MIPOL1: variants seen among roughly 807,000 people sequenced by gnomAD.
The protein encoded by MIPOL1 is mirror-image polydactyly gene 1 protein.
MIPOL1 carries 57 observed loss-of-function variants against 60.9 expected under a neutral mutation model. That is an observed-to-expected ratio of 0.94 (90% CI 0.76 to 1.17). MIPOL1 has a LOEUF of 1.17. MIPOL1 is among the 50% of genes most tolerant of loss of function. The probability of loss-of-function intolerance (pLI) is 0.00; values close to 1 mark genes in which losing one functional copy is unlikely to be tolerated. For missense variants in MIPOL1, 551 were observed against 511.6 expected (o/e 1.08, Z -0.74); for synonymous variants, 179 against 168.8 (o/e 1.06, Z -0.47).
chr14:37,504,766 TGAA>T (rs1331484741), intron 12 of MIPOL1: 1 of 152,026 alleles, frequency 6.6e-6, no homozygotes, highest in African/African-American at 2.4e-5. Context: ...AGAGCAGAAC[TGAA>T]GAAGATGGAG....
intron 10 of MIPOL1, among the ~76,000 whole-genome samples, chr14:37,394,172 C>T (rs1265277881): frequency 6.8e-6 from 1 of 146,966 alleles, no homozygotes; most frequent in Non-Finnish European, 1.5e-5. Flanking sequence ...ACAATTTTTG[C>T]AAAAATTGAA....
rs137970154 is a variant in MIPOL1 at position 37,250,706 on chromosome 14, A to G, written c.19+2799A>G. ...AAATCACAAATTGCTTCAAAGCGCT[A>G]TCTTACATAAATGTTCCTAGTCGGT... On this transcript the variant is annotated intron_variant, in intron 3 of 12. Coordinates refer to ENST00000684589, the MANE Select transcript of MIPOL1 (RefSeq NM_001388067.1). 9.9e-3 allele frequency among the ~76,000 whole-genome samples: 1,507 copies of G among 152,284 alleles called. 11 individuals are homozygous for G. Among genetic ancestry groups the G allele is most frequent in the Middle Eastern group, 0.037 (11 of 294 alleles).
At chr14:37,484,680 G>GT (rs1308439682) in intron 11 of MIPOL1, among the ~76,000 whole-genome samples, 7 of 151,960 alleles carry the variant, frequency 4.6e-5, no homozygotes, top group Non-Finnish European at 1.5e-5. Flanking sequence ...AGTTGTGATA[G>GT]TTTTTTTCAG....
At chr14:37,397,993 T>G (rs1353852761) in intron 10 of MIPOL1, among the ~76,000 whole-genome samples, 1 of 152,166 alleles carries the variant, frequency 6.6e-6, no homozygotes, top group Non-Finnish European at 1.5e-5. Flanking sequence ...CCAGGAGGCT[T>G]CTTGCCCCAT....
Position 37,197,942 on chromosome 14 carries a change from C to G in MIPOL1, c.-361C>G. On this transcript the variant is annotated 5_prime_UTR_variant, in exon 1 of 13. Coordinates refer to ENST00000684589, the MANE Select transcript of MIPOL1 (RefSeq NM_001388067.1). ...GCGGCGCGCCGCCGCCCCGTAGGCC[C>G]CACGCGCCGCCCCGCTCCTCCGCCG... 6.6e-6 allele frequency: 1 copy of G among 152,218 alleles called. No individual in the cohort carries two copies. Among genetic ancestry groups the G allele is most frequent in the East Asian group, 1.9e-4 (1 of 5,154 alleles). The allele number at this position is 152,218 out of a possible 1,614,324, so 9.4% of individuals were successfully genotyped here. A position where few individuals can be genotyped will look rare whatever the true frequency, so the allele number is the denominator to read the frequency against.
chr14:37,329,487 CTTTTAG>C (rs1444990156), intron 9 of MIPOL1, among the ~76,000 whole-genome samples: 2 of 152,076 alleles, frequency 1.3e-5, no homozygotes, highest in Non-Finnish European at 1.5e-5. Flanking sequence ...GTCATACGAA[CTTTTAG>C]TTTTAGCCTT....
chr14:37,200,559 T>A (rs1965070589), intron 1 of MIPOL1, among the ~76,000 whole-genome samples: 1 of 152,188 alleles, frequency 6.6e-6, no homozygotes, highest in Non-Finnish European at 1.5e-5. Flanking sequence ...TTCTGATTGA[T>A]TAAACTCAAG....
intron 10 of MIPOL1, among the ~76,000 whole-genome samples, chr14:37,372,749 C>G (rs1183548238): frequency 1.8e-5 from 1 of 55,556 alleles, no homozygotes; most frequent in African/African-American, 5.3e-5. Flanking sequence ...AGTGAGACTC[C>G]GTCTCAAAAA....
At chr14:37,298,309 A>G (rs1407286833) in intron 7 of MIPOL1, among the ~76,000 whole-genome samples, 1 of 152,204 alleles carries the variant, frequency 6.6e-6, no homozygotes, top group Admixed American at 6.5e-5. Flanking sequence ...TTCAAGATGG[A>G]TTAAAGACTT....
intron 3 of MIPOL1, among the ~76,000 whole-genome samples, chr14:37,252,192 AAGT>A (rs1409189599): frequency 6.6e-6 from 1 of 151,646 alleles, no homozygotes; most frequent in Non-Finnish European, 1.5e-5. Flanking sequence ...TTTTACACAC[AAGT>A]AGTTATTTTT....
chr14:37,323,057 A>G (rs904583630), intron 9 of MIPOL1, among the ~76,000 whole-genome samples: 3 of 152,060 alleles, frequency 2.0e-5, no homozygotes, highest in East Asian at 1.9e-4. Context: ...GCCCATACCT[A>G]TGTTCTGAAT....
intron 11 of MIPOL1, among the ~76,000 whole-genome samples, chr14:37,455,716 G>T (rs1184824137): frequency 6.6e-6 from 1 of 151,970 alleles, no homozygotes; most frequent in Non-Finnish European, 1.5e-5. Flanking sequence ...TTCTCAAGTT[G>T]CACTTTGAGT....
intron 9 of MIPOL1, among the ~76,000 whole-genome samples, chr14:37,335,554 T>C (rs1458213971): frequency 6.6e-6 from 1 of 152,126 alleles, no homozygotes; most frequent in Non-Finnish European, 1.5e-5. Context: ...CACAATGTCA[T>C]CAATGTTGAT....
Position 37,548,231 on chromosome 14 carries a change from A to G in MIPOL1, c.*1260A>G, listed in dbSNP as rs2095553031. 6.6e-6 allele frequency: 1 copy of G among 152,024 alleles called. No individual in the cohort carries two copies. Among genetic ancestry groups the G allele is most frequent in the South Asian group, 2.1e-4 (1 of 4,828 alleles). 9.4% of individuals were successfully genotyped at this position (152,024 alleles called of 1,614,324 possible). On this transcript the variant is annotated 3_prime_UTR_variant, in exon 13 of 13. Transcript: ENST00000684589. ...TTATCTACCATTGCCTATTTACAGGATAAGTACATTCAGGACAATTTATTG... is the reference window on the plus strand; with the variant it reads ...TTATCTACCATTGCCTATTTACAGGGTAAGTACATTCAGGACAATTTATTG...
At chr14:37,451,856 C>A (rs867122090) in intron 11 of MIPOL1, among the ~76,000 whole-genome samples, 8 of 126,530 alleles carry the variant, frequency 6.3e-5, no homozygotes, top group Admixed American at 8.4e-5. Flanking sequence ...GCTCTGTGGC[C>A]CAGGTGGAAG....
rs528015008 is a variant in MIPOL1 at position 37,444,064 on chromosome 14, T to A, written c.1031+21115T>A. On this transcript the variant is annotated intron_variant, in intron 11 of 12. Transcript: ENST00000684589. ...AAGATCAAGAACAAAGCAAGGATGA[T>A]CTTCCCACTTGAACTTTCTGAAGGA... 8.1e-4 allele frequency among the ~76,000 whole-genome samples: 123 copies of A among 152,242 alleles called. 1 individual carries two copies. The highest frequency in any genetic ancestry group is 2.6e-3 in the African/African-American group (108 of 41,550).
intron 1 of MIPOL1, among the ~76,000 whole-genome samples, chr14:37,213,416 A>T (rs536451516): frequency 1.3e-5 from 2 of 152,366 alleles, no homozygotes; most frequent in South Asian, 4.1e-4. Flanking sequence ...CTGAAAATGC[A>T]ATTGACATAC....
chr14:37,468,484 G>A (rs1463419938), intron 11 of MIPOL1, among the ~76,000 whole-genome samples: 1 of 152,060 alleles, frequency 6.6e-6, no homozygotes, highest in Non-Finnish European at 1.5e-5. Flanking sequence ...AAAGTAATTA[G>A]TCTGTAATCC....
intron 11 of MIPOL1, among the ~76,000 whole-genome samples, chr14:37,497,857 A>G (rs894525525): frequency 6.6e-6 from 1 of 152,216 alleles, no homozygotes; most frequent in Non-Finnish European, 1.5e-5. Flanking sequence ...TTGGAAGACT[A>G]TTAGCAGCAT....
Sources: allele counts gnomAD v4.1 joint callset (sites outside exome capture counted in the v4.1 genomes callset), GRCh38; gene constraint gnomAD v4.1.1; transcripts MANE v1.5; gene names NCBI Gene and HGNC (gene_info 2026-07-23, HGNC 2026-07-21).